Variants in GADL1 observed in about 807,000 individuals in gnomAD.
GADL1 encodes GAD like acidic amino acid decarboxylase 1.
GADL1 carries 71 observed loss-of-function variants against 69.5 expected under a neutral mutation model. The observed-to-expected ratio is 1.02, with a 90% CI of 0.84 to 1.25. The LOEUF (loss-of-function observed/expected upper bound fraction) is 1.25. Ranked by LOEUF, GADL1 falls within the 50% of genes most tolerant of loss-of-function variation. GADL1 has a pLI of 0.00. For synonymous variants in GADL1, 254 were observed against 214.4 expected, an observed-to-expected ratio of 1.18 and a Z score of -1.62; for missense variants, 737 against 631.8, an observed-to-expected ratio of 1.17 and a Z score of -1.79.
chr3:30,735,138 G>A (rs1172854885), intron 14 of GADL1, among the ~76,000 whole-genome samples: 1 of 152,106 alleles, frequency 6.6e-6, no homozygotes, highest in African/African-American at 2.4e-5. Context: ...CTTTTTGAAA[G>A]CTACTTGATC....
chr3:30,794,024 A>T (rs564715105), intron 12 of GADL1, among the ~76,000 whole-genome samples: 65 of 152,340 alleles, frequency 4.3e-4, no homozygotes, highest in African/African-American at 1.5e-3. Flanking sequence ...TTTTAAAAAG[A>T]TCACCAATAT....
intron 1 of GADL1, among the ~76,000 whole-genome samples, chr3:30,863,895 A>C (rs533864540): frequency 6.6e-6 from 1 of 152,172 alleles, no homozygotes; most frequent in South Asian, 2.1e-4. Flanking sequence ...GTGTCTATGA[A>C]AGCACCAGAT....
At chr3:30,890,919 T>C (rs1453634484) in intron 1 of GADL1, among the ~76,000 whole-genome samples, 4 of 152,180 alleles carry the variant, frequency 2.6e-5, no homozygotes. Context: ...TCCTAAACAG[T>C]AGATATTTTT....
At chr3:30,739,401 A>T (rs1559483607) in intron 14 of GADL1, among the ~76,000 whole-genome samples, 2 of 152,122 alleles carry the variant, frequency 1.3e-5, no homozygotes, top group Non-Finnish European at 2.9e-5. Flanking sequence ...GCACCCATGC[A>T]CCTGTATCTT....
At chr3:30,740,901 TA>T (rs909799139) in intron 14 of GADL1, among the ~76,000 whole-genome samples, 3 of 143,166 alleles carry the variant, frequency 2.1e-5, no homozygotes, top group African/African-American at 7.9e-5. Flanking sequence ...CAAACAAACA[TA>T]TATATATCTA....
At chr3:30,753,117 T>C (rs1470709473) in intron 14 of GADL1, among the ~76,000 whole-genome samples, 1 of 151,982 alleles carries the variant, frequency 6.6e-6, no homozygotes, top group African/African-American at 2.4e-5. Context: ...TTCTTATGGG[T>C]GAGTCAGTTA....
chr3:30,854,706 G>T lies in GADL1; in HGVS notation c.421C>A (p.Pro141Thr), dbSNP rs751309648. The T allele has an allele frequency of 2.3e-4, 353 of 1,542,342 alleles. 1 individual carries two copies. The highest frequency in any genetic ancestry group is 2.9e-4 in the Non-Finnish European group (335 of 1,139,100). ...CTATAGCATGGCACTTACACACTTG[G>T]ATTCAATGCTTCGGTCATAAATCGG... The part of the protein sequence containing the change: ...VARFMTEALN[P>T]SVYTYEVSPV... Residue 141 changes from proline (P) to threonine (T), a missense_variant, in exon 4 of 15, where the codon CCA becomes ACA. Physicochemically the swap from Pro to Thr is conservative, Grantham distance 38. Coordinates refer to ENST00000282538, the MANE Select transcript of GADL1 (RefSeq NM_207359.3).
intron 1 of GADL1, among the ~76,000 whole-genome samples, chr3:30,873,916 T>A (rs953847629): frequency 2.0e-5 from 3 of 151,946 alleles, no homozygotes; most frequent in Non-Finnish European, 4.4e-5. Flanking sequence ...TACAGAAAAC[T>A]GTACTTACCA....
At chr3:30,798,563 G>C (rs1446759719) in intron 12 of GADL1, 2 of 152,132 alleles carry the variant, frequency 1.3e-5, no homozygotes, top group African/African-American at 2.4e-5. Flanking sequence ...TTCAAGATGA[G>C]ATTTGGGTGA....
intron 13 of GADL1, among the ~76,000 whole-genome samples, chr3:30,785,458 C>A (rs1048374082): frequency 6.6e-6 from 1 of 150,884 alleles, no homozygotes; most frequent in East Asian, 1.9e-4. Flanking sequence ...GATAGCTCAC[C>A]GCAACCACCG....
At chr3:30,889,084 T>TAA (rs60227313) in intron 1 of GADL1, among the ~76,000 whole-genome samples, 622 of 32,646 alleles carry the variant, frequency 0.019, 32 homozygotes, top group Middle Eastern at 0.05. Context: ...CGGTAATCTA[T>TAA]AAAAAAAAAA....
At position 30,861,827 on chromosome 3, in the gene GADL1, C is replaced by T. The variant is rs1038300611; in HGVS notation, c.38-62G>A. Reference sequence around the variant, plus strand: ...TCTAATTACACCACATAACAAAGCACGGGACAAAATGCATCACTATCCCAG... The same window carrying T: ...TCTAATTACACCACATAACAAAGCATGGGACAAAATGCATCACTATCCCAG... On this transcript the variant is annotated intron_variant, in intron 1 of 14. Transcript: ENST00000282538. The T allele has an allele frequency of 3.6e-5, 40 of 1,115,048 alleles. No individual in the cohort carries two copies. In the African/African-American group the frequency reaches 4.6e-4, roughly 13 times the overall value. 69.1% of individuals were successfully genotyped at this position (1,115,048 alleles called of 1,614,324 possible). A position where few individuals can be genotyped will look rare whatever the true frequency, so the allele number is the denominator to read the frequency against.
chr3:30,778,314 T>TA, intron 13 of GADL1, 46 bp from the exon 14 acceptor site: 1 of 1,192,652 alleles, frequency 8.4e-7, no homozygotes, highest in Non-Finnish European at 1.2e-6. Flanking sequence ...AGATTTATCT[T>TA]AGAATGCAAT....
At chr3:30,787,551 ATG>A (rs899462941) in intron 12 of GADL1, among the ~76,000 whole-genome samples, 2 of 152,298 alleles carry the variant, frequency 1.3e-5, no homozygotes, top group African/African-American at 2.4e-5. Flanking sequence ...GCTGACAGAA[ATG>A]TGTTTGTCAG....
In GADL1 at chr3:30,859,052, G is replaced by T. The variant is rs138858734; in HGVS notation, c.211-1911C>A. On this transcript the variant is annotated intron_variant, in intron 2 of 14. Coordinates refer to ENST00000282538, the MANE Select transcript of GADL1 (RefSeq NM_207359.3). The stretch of plus-strand genomic sequence containing the variant: ...TGCTCATGGAATTTATCAACAAGGA[G>T]GTGTTCTTGGCAAGAGCAGCTTGAC... Among the ~76,000 whole-genome samples the T allele has an allele frequency of 1.7e-4, 26 of 152,124 alleles. No individual in the cohort carries two copies. In the East Asian group the frequency reaches 5.1e-3, roughly 30 times the overall value.
rs146196088 is a variant in GADL1, at chr3:30,744,499, C to T, written c.1393-16084G>A. ...GCTGATGGGAGAGGGTCATTTAAGA[C>T]CAGGAGTTCAAGACCAGCCTGGGCA... is the stretch of plus-strand genomic sequence containing the variant. On this transcript the variant is annotated intron_variant, in intron 14 of 14. Coordinates refer to ENST00000282538, the MANE Select transcript of GADL1 (RefSeq NM_207359.3). Among the ~76,000 whole-genome samples the T allele has an allele frequency of 9.0e-4, 137 of 152,140 alleles. No homozygotes were observed. The Middle Eastern group carries it at 0.014, about 15-fold the overall frequency.
chr3:30,826,840 C>G (rs1029535207), intron 11 of GADL1, among the ~76,000 whole-genome samples: 1 of 151,800 alleles, frequency 6.6e-6, no homozygotes, highest in African/African-American at 2.4e-5. Flanking sequence ...AAAAAGGAAA[C>G]CATGAGTCAC....
intron 11 of GADL1, among the ~76,000 whole-genome samples, chr3:30,804,709 C>G (rs1697222625): frequency 6.6e-6 from 1 of 152,220 alleles, no homozygotes; most frequent in Non-Finnish European, 1.5e-5. Context: ...CCTACTTGTC[C>G]ATGCTATATT....
chr3:30,813,124 G>A (rs960911392), intron 11 of GADL1, among the ~76,000 whole-genome samples: 1 of 152,026 alleles, frequency 6.6e-6, no homozygotes, highest in Admixed American at 6.6e-5. Context: ...TATAGCAAAG[G>A]CATTCAGTAG....
Sources: gnomAD v4.1 joint callset for allele counts (sites outside exome capture counted in the v4.1 genomes callset) on GRCh38, gnomAD v4.1.1 for gene constraint, MANE v1.5 for transcripts, NCBI Gene and HGNC (gene_info 2026-07-23, HGNC 2026-07-21) for gene names.